BLTP2: variants seen among roughly 807,000 people sequenced by gnomAD.
BLTP2 encodes U937-associated antigen.
At chr17:28,628,277 C>A in the BLTP2 span, 5 of 1,613,996 alleles carry the variant, frequency 3.1e-6, no homozygotes, top group South Asian at 5.5e-5. Context: ...CCTGATGACC[C>A]CTTATCAGGT....
At chr17:28,615,468 T>C in the BLTP2 span, among the ~76,000 whole-genome samples, 6 of 152,202 alleles carry the variant, frequency 3.9e-5, no homozygotes, top group South Asian at 2.1e-4. Context: ...AATGGTGCTA[T>C]ACGAAACACT....
the BLTP2 span, chr17:28,640,514 G>A: frequency 8.7e-6 from 14 of 1,607,140 alleles, no homozygotes; most frequent in Non-Finnish European, 1.2e-5. Context: ...CCAACATACA[G>A]CTCCCACTAT....
the BLTP2 span, chr17:28,634,703 C>A: frequency 6.2e-7 from 1 of 1,614,162 alleles, no homozygotes; most frequent in African/African-American, 1.3e-5. Flanking sequence ...GTAAGCAGTG[C>A]CCGGCGCATG....
At chr17:28,619,281 TAA>T in the BLTP2 span, among the ~76,000 whole-genome samples, 1 of 146,180 alleles carries the variant, frequency 6.8e-6, no homozygotes, top group Non-Finnish European at 1.5e-5. Context: ...TCAGGTTCAT[TAA>T]AAAAAAAAAG....
At chr17:28,644,366 C>T in the BLTP2 span, among the ~76,000 whole-genome samples, 3 of 152,252 alleles carry the variant, frequency 2.0e-5, no homozygotes, top group Non-Finnish European at 4.4e-5. Flanking sequence ...AAGATCCTAG[C>T]TCCCGACTGA....
At chr17:28,637,285 A>C in the BLTP2 span, 1 of 807,816 alleles carries the variant, frequency 1.2e-6, no homozygotes, top group East Asian at 2.7e-5. Context: ...TGCCTCCCTA[A>C]GTTCATTTCT....
At chr17:28,643,745 T>C in the BLTP2 span, 1 of 1,324,236 alleles carries the variant, frequency 7.6e-7, no homozygotes, top group Non-Finnish European at 1.1e-6. Flanking sequence ...TTCTGGATTA[T>C]TAGAATTTCT....
chr17:28,615,665 T>C, the BLTP2 span: 2 of 1,613,892 alleles, frequency 1.2e-6, no homozygotes, highest in Non-Finnish European at 1.7e-6. Context: ...GCGGGATACC[T>C]GGGCAACCAG....
chr17:28,645,137 G>C, the BLTP2 span: 2 of 1,212,588 alleles, frequency 1.6e-6, no homozygotes, highest in Admixed American at 8.1e-5. Context: ...CACCGCCGCG[G>C]GCCGACCAGC....
chr17:28,632,859 C>A, the BLTP2 span: 2 of 1,091,492 alleles, frequency 1.8e-6, no homozygotes, highest in South Asian at 2.1e-5. Context: ...CCTCCCCTCC[C>A]CAGAGGGTCA....
chr17:28,615,879 T>C, the BLTP2 span: 36 of 1,487,094 alleles, frequency 2.4e-5, no homozygotes, highest in Non-Finnish European at 3.2e-5. Flanking sequence ...AGCCAGCCAC[T>C]TGAGTGCCAA....
At chr17:28,634,804 G>A in the BLTP2 span, 8 of 1,613,822 alleles carry the variant, frequency 5.0e-6, no homozygotes, top group Non-Finnish European at 6.8e-6. Context: ...AATTTTGCGG[G>A]CAGGCAACAA....
chr17:28,643,269 C>T, the BLTP2 span: 3 of 1,614,024 alleles, frequency 1.9e-6, no homozygotes, highest in Non-Finnish European at 2.5e-6. Flanking sequence ...TCTGTAGGTC[C>T]GTTCTGATAC....
At chr17:28,616,870 T>C in the BLTP2 span, 4 of 1,607,716 alleles carry the variant, frequency 2.5e-6, no homozygotes, top group Non-Finnish European at 3.4e-6. This position sits in a 1 kb window ranked among gnomAD's most constrained non-coding sequence, Gnocchi z 4.8. Flanking sequence ...CCCAGGTCCC[T>C]AAGGGACTGC....
the BLTP2 span, chr17:28,624,079 G>A: frequency 4.4e-6 from 6 of 1,370,316 alleles, no homozygotes; most frequent in Admixed American, 5.8e-5. Context: ...AAATTTTACT[G>A]GCTTTTAGAC....
chr17:28,631,650 A>G, the BLTP2 span: 4 of 1,614,134 alleles, frequency 2.5e-6, no homozygotes, highest in Non-Finnish European at 3.4e-6. Context: ...TAACACTCCA[A>G]TCAGAGATAA....
the BLTP2 span, chr17:28,623,979 T>C: frequency 2.2e-5 from 36 of 1,611,828 alleles, no homozygotes; most frequent in African/African-American, 2.7e-5. Flanking sequence ...ATGCCAGAGA[T>C]AGAAGCAGAG....
chr17:28,644,551 G>A, the BLTP2 span, among the ~76,000 whole-genome samples: 1 of 152,222 alleles, frequency 6.6e-6, no homozygotes, highest in East Asian at 1.9e-4. Context: ...TCTGTCTCCT[G>A]CTCCCACCCT....
At chr17:28,622,047 C>T in the BLTP2 span, among the ~76,000 whole-genome samples, 7 of 152,232 alleles carry the variant, frequency 4.6e-5, no homozygotes, top group South Asian at 1.5e-3. Context: ...GTCCCTTGTA[C>T]CTAAGCCCAA....
Sources: gnomAD v4.1 joint callset for allele counts (sites outside exome capture counted in the v4.1 genomes callset) on GRCh38, gnomAD v4.1.1 for gene constraint, Gnocchi (gnomAD v3.1) non-coding constraint, MANE v1.5 for transcripts, NCBI Gene and HGNC (gene_info 2026-07-23, HGNC 2026-07-21) for gene names.